The following FBXO42 variants were observed in gnomAD, a reference collection of about 807,000 sequenced individuals.
FBXO42 encodes the protein F-box only protein 42.
In FBXO42, 12 loss-of-function variants were observed where a neutral mutation model predicts 71.7. The observed-to-expected ratio is 0.17, with a 90% CI of 0.11 to 0.27. The LOEUF (loss-of-function observed/expected upper bound fraction) is 0.27, where lower values mean the gene tolerates loss of function less well. Among genes scored for constraint, FBXO42 ranks in the 10% least tolerant of loss-of-function variants. The probability of loss-of-function intolerance (pLI) is 1.00; values close to 1 mark genes in which losing one functional copy is unlikely to be tolerated. For missense variants in FBXO42, 707 were observed against 911.9 expected, an observed-to-expected ratio of 0.78 and a Z score of 2.89; for synonymous variants, 325 against 327.5, an observed-to-expected ratio of 0.99 and a Z score of 0.08.
chr1:16,352,058 G>A (rs1182464703), intron 1 of FBXO42, among the ~76,000 whole-genome samples, 197 bp downstream of exon 1: 1 of 152,174 alleles, frequency 6.6e-6, no homozygotes, highest in African/African-American at 2.4e-5. Flanking sequence ...AGGGCTGGCT[G>A]GAAAGGAGCT....
intron 1 of FBXO42, among the ~76,000 whole-genome samples, chr1:16,328,279 G>C (rs886327210): frequency 4.6e-5 from 7 of 152,118 alleles, no homozygotes; most frequent in African/African-American, 1.7e-4. Flanking sequence ...GGAGGAAAAG[G>C]TGTAACCTAA....
chr1:16,256,677 T>G lies in FBXO42; in HGVS notation c.585A>C (p.Pro195=). The G allele has an allele frequency of 6.2e-7, 1 of 1,614,188 alleles. No homozygotes were observed. The highest frequency in any genetic ancestry group is 8.5e-7 in the Non-Finnish European group (1 of 1,180,022). The change falls in exon 5 of 10, where the codon CCA becomes CCC. Residue 195 remains proline, a synonymous_variant. Transcript: ENST00000375592. ...CTGGCTGGTGTAGGGGATAAGGGCT[T>G]GGCCGCGTCCAGCCACCAAACAGCA... ...LLVLFGGWTR[P]SPYPLHQPER...
At chr1:16,290,552 C>G (rs1032181303) in intron 4 of FBXO42, among the ~76,000 whole-genome samples, 1 of 152,104 alleles carries the variant, frequency 6.6e-6, no homozygotes, top group Non-Finnish European at 1.5e-5. Context: ...ATTAGCCAGG[C>G]ATGGTGGCAC....
intron 4 of FBXO42, 132 bp from the exon 5 acceptor site, chr1:16,256,891 GTGGAAAGAAAAC>G (rs1557570271): frequency 8.3e-6 from 7 of 846,256 alleles, no homozygotes; most frequent in Non-Finnish European, 5.1e-6. Context: ...TAGAGGAAAG[GTGGAAAGAAAAC>G]TGGGTTTGAG....
Position 16,251,628 on chromosome 1 carries a change from T to A in FBXO42, c.1196A>T (p.Asp399Val), listed in dbSNP as rs1557567047. 2 of 1,614,074 alleles carry A rather than the reference T, an allele frequency of 1.2e-6. No homozygotes were observed. The highest frequency in any genetic ancestry group is 2.7e-5 in the African/African-American group (2 of 74,940). ...YRSQSPVRSM[D>V]EAPCVNGRWG... The stretch of plus-strand genomic sequence containing the variant: ...GCGGCCGTTAACACAAGGAGCTTCA[T>A]CCATGCTTCTTACTGGAGACTGAGA... The change falls in exon 10 of 10, where the codon GAT (aspartate) becomes GTT (valine). Residue 399 changes from aspartate (D) to valine (V), a missense_variant. Physicochemically the swap from Asp to Val is radical, Grantham distance 152. Around this residue, in one of 5 missense-constraint regions of FBXO42, gnomAD observed 482 missense variants for 587.1 expected, o/e 0.82. Coordinates refer to ENST00000375592, the MANE Select transcript of FBXO42 (RefSeq NM_018994.3). The surrounding 1 kb of genome is among the most constrained non-coding windows in gnomAD (Gnocchi z 4.5).
At chr1:16,342,274 T>C (rs2082611750) in intron 1 of FBXO42, among the ~76,000 whole-genome samples, 1 of 151,038 alleles carries the variant, frequency 6.6e-6, no homozygotes, top group Admixed American at 6.7e-5. Flanking sequence ...CACATGCCTG[T>C]AATCCCAGCT....
chr1:16,267,158 G>T (rs1435095508), intron 4 of FBXO42, among the ~76,000 whole-genome samples: 1 of 152,040 alleles, frequency 6.6e-6, no homozygotes, highest in Non-Finnish European at 1.5e-5. Flanking sequence ...AGGACCAAGG[G>T]GTTTCTATCT....
chr1:16,280,352 C>T (rs965928071), intron 4 of FBXO42, among the ~76,000 whole-genome samples: 2 of 151,864 alleles, frequency 1.3e-5, no homozygotes, highest in African/African-American at 4.8e-5. Context: ...CAAAAGGAGC[C>T]TAAGGAGACA....
intron 1 of FBXO42, among the ~76,000 whole-genome samples, chr1:16,335,225 C>T (rs2082541879): frequency 6.6e-6 from 1 of 152,050 alleles, no homozygotes. Flanking sequence ...GCCAGGAGTC[C>T]AGCTGGGGCA....
At chr1:16,279,574 T>C (rs1386870418) in intron 4 of FBXO42, among the ~76,000 whole-genome samples, 4 of 152,240 alleles carry the variant, frequency 2.6e-5, no homozygotes, top group Non-Finnish European at 5.9e-5. Flanking sequence ...CTTCAAATGA[T>C]ATACCCTCTT....
chr1:16,281,031 C>A (rs1383770556), intron 4 of FBXO42, among the ~76,000 whole-genome samples: 1 of 152,156 alleles, frequency 6.6e-6, no homozygotes, highest in Non-Finnish European at 1.5e-5. Context: ...ACACGATTCT[C>A]AGCTCACCGC....
chr1:16,285,202 C>A (rs1476913365), intron 4 of FBXO42, among the ~76,000 whole-genome samples: 2 of 152,070 alleles, frequency 1.3e-5, no homozygotes, highest in African/African-American at 4.8e-5. Context: ...TCTACCTCCA[C>A]TTAGCACCTC....
intron 1 of FBXO42, among the ~76,000 whole-genome samples, chr1:16,323,463 C>A (rs1003650820): frequency 2.0e-5 from 3 of 151,008 alleles, no homozygotes; most frequent in African/African-American, 7.3e-5. Context: ...GAACTTCTTA[C>A]CGATAGATAA....
chr1:16,342,226 G>A (rs1161008343), intron 1 of FBXO42, among the ~76,000 whole-genome samples: 2 of 151,230 alleles, frequency 1.3e-5, no homozygotes, highest in East Asian at 2.0e-4. Context: ...GAGAAACCCC[G>A]TCTCTACTAA....
intron 3 of FBXO42, among the ~76,000 whole-genome samples, chr1:16,303,814 C>T (rs1395393066): frequency 3.9e-5 from 6 of 152,042 alleles, no homozygotes; most frequent in African/African-American, 1.2e-4. Context: ...GGCGTGATCT[C>T]GGCTCACTGC....
rs760070779 is a variant in FBXO42 at position 16,251,553 on chromosome 1, C to T, written c.1271G>A (p.Arg424Gln). The change falls in exon 10 of 10, where the codon CGG becomes CAG. Residue 424 changes from arginine to glutamine, a missense_variant. Physicochemically the swap from Arg to Gln is conservative, Grantham distance 43. Around this residue, in one of 5 missense-constraint regions of FBXO42, gnomAD observed 482 missense variants for 587.1 expected, o/e 0.82. Transcript: ENST00000375592. This position sits in a 1 kb window ranked among gnomAD's most constrained non-coding sequence, Gnocchi z 4.5. ...RAQRQTPSGS[R>Q]EGSLSPARGD... ...TCTGGCTGGGGAAAGGCTCCCTTCC[C>T]GGGAACCTGAAGGAGTCTGCCTTTG... The T allele has an allele frequency of 1.6e-5, 26 of 1,613,974 alleles. No homozygotes were observed. Among genetic ancestry groups the T allele is most frequent in the Middle Eastern group, 1.6e-4 (1 of 6,084 alleles).
chr1:16,320,322 C>A (rs1394495186), intron 1 of FBXO42, among the ~76,000 whole-genome samples: 12 of 149,442 alleles, frequency 8.0e-5, no homozygotes, highest in Non-Finnish European at 1.8e-4. Flanking sequence ...GATCATGCCA[C>A]CGCACTCTAG....
intron 3 of FBXO42, among the ~76,000 whole-genome samples, chr1:16,296,248 G>A (rs1224271529): frequency 6.6e-6 from 1 of 152,142 alleles, no homozygotes; most frequent in African/African-American, 2.4e-5. Flanking sequence ...ATGCACGCAG[G>A]AGGTAAAAAT....
intron 2 of FBXO42, among the ~76,000 whole-genome samples, chr1:16,308,228 A>C (rs2082272705): frequency 6.6e-6 from 1 of 152,264 alleles, no homozygotes; most frequent in African/African-American, 2.4e-5. Flanking sequence ...TGTTCCTCCC[A>C]TCTCAGCCTC....
Sources: gnomAD v4.1 joint callset for allele counts (sites outside exome capture counted in the v4.1 genomes callset) on GRCh38, gnomAD v4.1.1 for gene constraint, gnomAD v4.1.1 regional missense constraint, Gnocchi (gnomAD v3.1) non-coding constraint, MANE v1.5 for transcripts, NCBI Gene and HGNC (gene_info 2026-07-23, HGNC 2026-07-21) for gene names.